LHFPL3: variants seen among roughly 807,000 people sequenced by gnomAD.
The protein encoded by LHFPL3 is LHFPL tetraspan subfamily member 3 protein.
Under a neutral mutation model 19.3 loss-of-function variants are expected in LHFPL3, and 5 were observed. The ratio of observed to expected loss-of-function variants is 0.26; its 90% CI spans 0.14 to 0.54. The LOEUF is 0.54. Among genes scored for constraint, LHFPL3 ranks in the 20% least tolerant of loss-of-function variants. LHFPL3 has a pLI of 0.94. For missense variants in LHFPL3, 249 were observed against 307.4 expected (o/e 0.81, Z 1.42); for synonymous variants, 133 against 126.2 (o/e 1.05, Z -0.36).
At chr7:104,817,777 C>T (rs1215540597) in intron 2 of LHFPL3, among the ~76,000 whole-genome samples, 1 of 152,148 alleles carries the variant, frequency 6.6e-6, no homozygotes, top group Non-Finnish European at 1.5e-5. Flanking sequence ...ACCATGATAC[C>T]CTCCTTCTCC....
intron 1 of LHFPL3, among the ~76,000 whole-genome samples, chr7:104,408,666 T>C (rs2116507334): frequency 6.6e-6 from 1 of 152,256 alleles, no homozygotes; most frequent in South Asian, 2.1e-4. Context: ...GTAGAGTCTA[T>C]GTCAGAAACA....
At chr7:104,394,576 G>T (rs1294228860) in intron 1 of LHFPL3, among the ~76,000 whole-genome samples, 2 of 152,046 alleles carry the variant, frequency 1.3e-5, no homozygotes, top group Non-Finnish European at 2.9e-5. Context: ...ATTAATTTTT[G>T]TAACAAAACT....
At chr7:104,864,435 A>C (rs1303319383) in intron 2 of LHFPL3, among the ~76,000 whole-genome samples, 1 of 152,174 alleles carries the variant, frequency 6.6e-6, no homozygotes, top group Non-Finnish European at 1.5e-5. Context: ...GCACTTTTCC[A>C]GCGGTCTTAG....
intron 1 of LHFPL3, among the ~76,000 whole-genome samples, chr7:104,580,101 G>A (rs1409365725): frequency 6.6e-6 from 1 of 152,132 alleles, no homozygotes; most frequent in East Asian, 1.9e-4. Context: ...AGACCCTCAG[G>A]AGATTATAGA....
chr7:104,796,304 A>G (rs1790125643), intron 2 of LHFPL3, among the ~76,000 whole-genome samples: 1 of 152,198 alleles, frequency 6.6e-6, no homozygotes, highest in Non-Finnish European at 1.5e-5. Flanking sequence ...GACACAATTT[A>G]GCAAGACAAA....
chr7:104,446,577 T>G (rs943588852), intron 1 of LHFPL3, among the ~76,000 whole-genome samples: 1 of 152,186 alleles, frequency 6.6e-6, no homozygotes, highest in Admixed American at 6.5e-5. Context: ...TTTTTTATTT[T>G]TTATTTGTTT....
chr7:104,548,612 G>C (rs1020325342), intron 1 of LHFPL3, among the ~76,000 whole-genome samples: 7 of 152,100 alleles, frequency 4.6e-5, no homozygotes, highest in Non-Finnish European at 1.0e-4. Flanking sequence ...CTTTTTGCTG[G>C]AGAAAAATAC....
chr7:104,582,718 TG>T (rs1406937616), intron 1 of LHFPL3, among the ~76,000 whole-genome samples: 1 of 152,062 alleles, frequency 6.6e-6, no homozygotes, highest in Admixed American at 6.6e-5. Flanking sequence ...ATTTCTTTTT[TG>T]GTATGTTAAT....
Position 104,329,046 on chromosome 7 carries a change from C to G in LHFPL3, c.267C>G (p.Thr89=), listed in dbSNP as rs754267520. The change falls in exon 1 of 3, where the codon ACC becomes ACG. Residue 89 remains threonine, a synonymous_variant. Transcript: ENST00000424859. The part of the protein sequence containing the change: ...CIGNGFSREL[T]CRGSFTDFST... ...GCAACGGCTTCTCCCGGGAGCTGAC[C>G]TGCAGGGGCAGCTTCACGGACTTCT... The G allele has an allele frequency of 8.1e-6, 13 of 1,613,954 alleles. No individual in the cohort carries two copies. The South Asian group carries it at 9.9e-5, about 12-fold the overall frequency.
At chr7:104,871,787 T>C (rs1316083094) in intron 2 of LHFPL3, among the ~76,000 whole-genome samples, 1 of 151,974 alleles carries the variant, frequency 6.6e-6, no homozygotes, top group Non-Finnish European at 1.5e-5. Context: ...GCCTCCCTAG[T>C]AGCTAGGATT....
At chr7:104,463,727 A>C (rs1287932752) in intron 1 of LHFPL3, among the ~76,000 whole-genome samples, 3 of 152,228 alleles carry the variant, frequency 2.0e-5, no homozygotes, top group Non-Finnish European at 4.4e-5. Context: ...CTATCATGAG[A>C]ACAGCATGAA....
intron 1 of LHFPL3, among the ~76,000 whole-genome samples, chr7:104,575,647 T>G (rs938474479): frequency 2.0e-5 from 3 of 150,952 alleles, no homozygotes; most frequent in African/African-American, 7.3e-5. Flanking sequence ...TATTATTTAT[T>G]TATTTATTTA....
At chr7:104,698,834 A>G (rs535653548) in intron 1 of LHFPL3, among the ~76,000 whole-genome samples, 1 of 152,274 alleles carries the variant, frequency 6.6e-6, no homozygotes, top group Admixed American at 6.5e-5. Context: ...TGTATAAAGA[A>G]CTCCTACAAC....
At chr7:104,898,763 C>G (rs1792420220) in intron 2 of LHFPL3, among the ~76,000 whole-genome samples, 1 of 151,988 alleles carries the variant, frequency 6.6e-6, no homozygotes, top group Non-Finnish European at 1.5e-5. Flanking sequence ...GAGGCTGCAG[C>G]GGGCTGTCAT....
At chr7:104,858,413 C>T (rs1456305522) in intron 2 of LHFPL3, among the ~76,000 whole-genome samples, 1 of 152,222 alleles carries the variant, frequency 6.6e-6, no homozygotes, top group African/African-American at 2.4e-5. Context: ...TTCTAGGCAG[C>T]TGAGCATAGC....
intron 1 of LHFPL3, among the ~76,000 whole-genome samples, chr7:104,441,156 AGAACTAAAATTTTAAGCCCGTT>A (rs1792216986): frequency 6.6e-6 from 1 of 152,172 alleles, no homozygotes; most frequent in Non-Finnish European, 1.5e-5. Context: ...CTCATCTTTC[AGAACTAAAATTTTAAGCCCGTT>A]GAACAACTCC....
chr7:104,408,864 CTTTTTTTTT>C (rs561975535), intron 1 of LHFPL3, among the ~76,000 whole-genome samples: 1 of 105,436 alleles, frequency 9.5e-6, no homozygotes, highest in African/African-American at 3.7e-5. Context: ...AATTTTCTTT[CTTTTTTTTT>C]TTTTTTTTTG....
chr7:104,832,992 C>CATACATATTATAT, intron 2 of LHFPL3, among the ~76,000 whole-genome samples: 1 of 4,298 alleles, frequency 2.3e-4, no homozygotes, highest in Non-Finnish European at 4.6e-4. Context: ...GGTTATAGGA[C>CATACATATTATAT]ATATATATTA....
rs1377044318 is a variant in LHFPL3 at position 104,807,011 on chromosome 7, A to ATATGTGTGTGTG, written c.682+70101_682+70102insATGTGTGTGTGT. ...TGAATTGTGCCCCACCAAAATATAT[A>ATATGTGTGTGTG]TGTGTGTGTGTGTGTGTGTGTGTGT... On this transcript the variant is annotated intron_variant, in intron 2 of 2. Coordinates refer to ENST00000424859, the MANE Select transcript of LHFPL3 (RefSeq NM_199000.3). Among the ~76,000 whole-genome samples the ATATGTGTGTGTG allele has an allele frequency of 4.9e-3, 681 of 139,750 alleles. 4 individuals carry two copies. The highest frequency in any genetic ancestry group is 0.014 in the African/African-American group (506 of 37,458). 91.7% of individuals were successfully genotyped at this position (139,750 alleles called of 152,430 possible).
Sources: gnomAD v4.1 joint callset for allele counts (sites outside exome capture counted in the v4.1 genomes callset) on GRCh38, gnomAD v4.1.1 for gene constraint, MANE v1.5 for transcripts, NCBI Gene and HGNC (gene_info 2026-07-23, HGNC 2026-07-21) for gene names.